The following AGBL4 variants were observed in gnomAD, a reference collection of about 807,000 sequenced individuals.
AGBL4 encodes the protein cytosolic carboxypeptidase 6.
AGBL4 carries 58 observed loss-of-function variants against 66.4 expected under a neutral mutation model. The ratio of observed to expected loss-of-function variants is 0.87; its 90% CI spans 0.71 to 1.09. AGBL4 has a LOEUF of 1.09. Ranked by LOEUF, AGBL4 falls within the 50% of genes least tolerant of loss-of-function variation. The pLI is 0.00. For synonymous variants in AGBL4, 234 were observed against 222.9 expected, an observed-to-expected ratio of 1.05 and a Z score of -0.44; for missense variants, 579 against 631.0, an observed-to-expected ratio of 0.92 and a Z score of 0.88.
chr1:49,746,935 A>G (rs561636951), intron 2 of AGBL4, among the ~76,000 whole-genome samples: 1 of 152,282 alleles, frequency 6.6e-6, no homozygotes, highest in Non-Finnish European at 1.5e-5. Context: ...CATGCCCATA[A>G]GATACTTACA....
At chr1:48,930,837 A>G (rs1387404890) in intron 5 of AGBL4, among the ~76,000 whole-genome samples, 1 of 152,190 alleles carries the variant, frequency 6.6e-6, no homozygotes, top group Non-Finnish European at 1.5e-5. Context: ...CAGTCGTTCT[A>G]TAATGATTTG....
At chr1:48,530,166 A>G (rs547343455), downstream of AGBL4, among the ~76,000 whole-genome samples, 1 of 152,284 alleles carries the variant, frequency 6.6e-6, no homozygotes, top group Non-Finnish European at 1.5e-5. Context: ...CAGTGTTTGA[A>G]TCCAGGTTCT....
intron 4 of AGBL4, among the ~76,000 whole-genome samples, chr1:49,113,811 G>A (rs1240965415): frequency 1.3e-5 from 2 of 152,216 alleles, no homozygotes; most frequent in African/African-American, 2.4e-5. Context: ...TGCATTGTCA[G>A]TGAGCTGTAA....
intron 4 of AGBL4, among the ~76,000 whole-genome samples, chr1:49,215,992 G>T (rs1424472938): frequency 6.6e-6 from 1 of 152,114 alleles, no homozygotes; most frequent in Non-Finnish European, 1.5e-5. Flanking sequence ...AAACATCTGA[G>T]ATCTGCAAGC....
At chr1:49,738,742 T>C (rs940584607) in intron 2 of AGBL4, among the ~76,000 whole-genome samples, 1 of 152,186 alleles carries the variant, frequency 6.6e-6, no homozygotes. Flanking sequence ...ACATTTGCTG[T>C]TCACCAATAT....
chr1:48,847,435 G>T (rs577688242), intron 6 of AGBL4, among the ~76,000 whole-genome samples: 2 of 150,196 alleles, frequency 1.3e-5, no homozygotes, highest in Non-Finnish European at 2.9e-5. Flanking sequence ...TAGAATTGGC[G>T]TTCTCAGCCA....
chr1:48,741,597 C>T (rs192334587), intron 6 of AGBL4, among the ~76,000 whole-genome samples: 116 of 152,360 alleles, frequency 7.6e-4, no homozygotes, highest in African/African-American at 1.9e-3. Flanking sequence ...AAAACTAATA[C>T]GTTTCATTTC....
intron 2 of AGBL4, among the ~76,000 whole-genome samples, chr1:49,726,402 G>A (rs1296600615): frequency 1.3e-5 from 2 of 152,200 alleles, no homozygotes; most frequent in East Asian, 3.9e-4. Context: ...TATTAAATAG[G>A]AAAATAATGT....
At chr1:48,735,042 C>T (rs1648797725) in intron 6 of AGBL4, among the ~76,000 whole-genome samples, 1 of 152,162 alleles carries the variant, frequency 6.6e-6, no homozygotes, top group Non-Finnish European at 1.5e-5. Context: ...TCTCAGTTTC[C>T]TTGTCCGTAA....
intron 6 of AGBL4, among the ~76,000 whole-genome samples, chr1:48,765,634 T>C (rs1249561287): frequency 2.6e-5 from 4 of 152,170 alleles, no homozygotes; most frequent in African/African-American, 9.7e-5. Context: ...AACAGCATTA[T>C]TCATTAACAG....
intron 6 of AGBL4, among the ~76,000 whole-genome samples, chr1:48,749,728 T>C (rs1651360012): frequency 6.6e-6 from 1 of 152,208 alleles, no homozygotes; most frequent in Non-Finnish European, 1.5e-5. Flanking sequence ...GAACTTATCC[T>C]CTGGTGGCCA....
At chr1:49,183,017 G>A (rs1046218144) in intron 4 of AGBL4, among the ~76,000 whole-genome samples, 2 of 152,112 alleles carry the variant, frequency 1.3e-5, no homozygotes, top group Non-Finnish European at 2.9e-5. Flanking sequence ...AGAAAGAAGA[G>A]TCCCTTCCTA....
At chr1:49,517,767 A>C (rs1051212822) in intron 3 of AGBL4, among the ~76,000 whole-genome samples, 2 of 152,090 alleles carry the variant, frequency 1.3e-5, no homozygotes, top group Admixed American at 6.6e-5. Flanking sequence ...AGAAATATTC[A>C]ATATAACAAT....
chr1:48,883,929 A>G (rs747615543), intron 5 of AGBL4, among the ~76,000 whole-genome samples: 1 of 152,196 alleles, frequency 6.6e-6, no homozygotes, highest in African/African-American at 2.4e-5. Flanking sequence ...ACAAACAAAC[A>G]AACAAACAAA....
chr1:49,433,536 T>C (rs1165596942), intron 3 of AGBL4, among the ~76,000 whole-genome samples: 1 of 152,192 alleles, frequency 6.6e-6, no homozygotes, highest in Non-Finnish European at 1.5e-5. Context: ...CCTATGTTTC[T>C]CACAAGTAGT....
chr1:49,656,118 G>A (rs1167120739), intron 3 of AGBL4, among the ~76,000 whole-genome samples: 4 of 151,570 alleles, frequency 2.6e-5, no homozygotes, highest in Non-Finnish European at 4.4e-5. Flanking sequence ...CTGCACTCCA[G>A]CCTGGGCGAC....
intron 12 of AGBL4, among the ~76,000 whole-genome samples, chr1:48,536,947 G>A (rs1382001220): frequency 6.6e-6 from 1 of 152,324 alleles, no homozygotes; most frequent in East Asian, 1.9e-4. Flanking sequence ...TCTGAAGGGT[G>A]TCCCAGTATC....
intron 1 of AGBL4, among the ~76,000 whole-genome samples, chr1:49,930,800 T>C (rs1442895417): frequency 6.6e-6 from 1 of 152,142 alleles, no homozygotes; most frequent in African/African-American, 2.4e-5. Flanking sequence ...AGTAATATCG[T>C]ACTTAATGGT....
At chr1:48,599,744 G>C (rs1157448891) in intron 9 of AGBL4, among the ~76,000 whole-genome samples, 1 of 152,190 alleles carries the variant, frequency 6.6e-6, no homozygotes, top group South Asian at 2.1e-4. Context: ...ATAGTGGTTA[G>C]GAAATTGAGA....
Sources: allele counts gnomAD v4.1 joint callset (sites outside exome capture counted in the v4.1 genomes callset), GRCh38; gene constraint gnomAD v4.1.1; transcripts MANE v1.5; gene names NCBI Gene and HGNC (gene_info 2026-07-23, HGNC 2026-07-21).